Variants in TVP23A observed in about 807,000 individuals in gnomAD.
TVP23A encodes the protein trans-golgi network vesicle protein 23 homolog A.
TVP23A carries 21 observed loss-of-function variants against 31.7 expected under a neutral mutation model. That is an observed-to-expected ratio of 0.66 (90% CI 0.47 to 0.95). TVP23A has a LOEUF of 0.95. Ranked by LOEUF, TVP23A falls within the 40% of genes least tolerant of loss-of-function variation. TVP23A has a pLI of 0.00. For missense variants in TVP23A, 279 were observed against 255.6 expected (o/e 1.09, Z -0.62); for synonymous variants, 104 against 96.0 (o/e 1.08, Z -0.49).
At position 10,808,267 on chromosome 16, in the gene TVP23A, G is replaced by A. The variant is rs2034034552; in HGVS notation, c.89+9836C>T. Among the ~76,000 whole-genome samples, 3 of 152,182 alleles carry A rather than the reference G, an allele frequency of 2.0e-5. No individual in the cohort carries two copies. The South Asian group carries it at 6.2e-4, about 32-fold the overall frequency. On this transcript the variant is annotated intron_variant, in intron 2 of 7. Transcript: ENST00000299866. ...AACAGCAGCCAACAATTTCAAGCGG[G>A]GCTCATGTCCAGGACTGCTTTTGTA...
intron 2 of TVP23A, chr16:10,808,619 A>G (rs2034053074): frequency 2.2e-6 from 1 of 448,804 alleles, no homozygotes; most frequent in Non-Finnish European, 4.5e-6. Flanking sequence ...ACAAAAAATA[A>G]AAATAAAATT....
At chr16:10,771,884 T>A in intron 5 of TVP23A, 86 bp from the exon 6 acceptor site, 1 of 1,496,606 alleles carries the variant, frequency 6.7e-7, no homozygotes, top group Non-Finnish European at 9.0e-7. Flanking sequence ...AGAGGCACGA[T>A]CTCAGCTCAC....
chr16:10,816,492 C>T (rs1452952655), intron 2 of TVP23A, among the ~76,000 whole-genome samples: 1 of 152,036 alleles, frequency 6.6e-6, no homozygotes, highest in African/African-American at 2.4e-5. Flanking sequence ...TGCCACTACA[C>T]CCAGCTAATT....
chr16:10,767,445 A>G lies in TVP23A; in HGVS notation c.*1657T>C. ...CAGAATGTGTGTGTCATGTGCTCCC[A>G]TTCGTATTTTAGGTATATGAGAGTG... On this transcript the variant is annotated 3_prime_UTR_variant, in exon 8 of 8. Transcript: ENST00000299866. The surrounding 1 kb of genome is among the most constrained non-coding windows in gnomAD (Gnocchi z 4.6). The G allele has an allele frequency of 7.5e-6, 3 of 399,786 alleles. No homozygotes were observed. The highest frequency in any genetic ancestry group is 1.3e-5 in the Non-Finnish European group (3 of 227,388). The allele number at this position is 399,786 out of a possible 1,614,324, so 24.8% of individuals were successfully genotyped here.
chr16:10,818,785 T>C lies in TVP23A; in HGVS notation c.-292A>G. 1 of 441,694 alleles carries C rather than the reference T, an allele frequency of 2.3e-6. No homozygotes were observed. Among genetic ancestry groups the C allele is most frequent in the Non-Finnish European group, 3.9e-6 (1 of 254,358 alleles). 27.4% of individuals were successfully genotyped at this position (441,694 alleles called of 1,614,324 possible). ...CCTGGGGAACTGCGGACAGAGATAG[T>C]GGGAGGAATGGGAGTCGGGGGCGGG... On this transcript the variant is annotated 5_prime_UTR_variant, in exon 1 of 8. Transcript: ENST00000299866. The surrounding 1 kb of genome is among the most constrained non-coding windows in gnomAD (Gnocchi z 4.7).
chr16:10,770,259 A>C lies in TVP23A; in HGVS notation c.*13T>G, dbSNP rs1364808876. ...CCAGTTCCTCCACACGGGTGCCATG[A>C]TCCATTTCTCACCTAATGCTGGTGA... On this transcript the variant is annotated intron_variant, in intron 7 of 7. Transcript: ENST00000299866. 1 of 1,550,682 alleles carries C rather than the reference A, an allele frequency of 6.4e-7. No individual in the cohort carries two copies. The highest frequency in any genetic ancestry group is 2.0e-5 in the Admixed American group (1 of 50,900).
intron 2 of TVP23A, among the ~76,000 whole-genome samples, chr16:10,811,903 CA>C (rs763108313): frequency 0.036 from 1,527 of 42,280 alleles, 8 homozygotes; most frequent in African/African-American, 0.1. Flanking sequence ...GACTCCGTCT[CA>C]AAAAAAAAAA....
chr16:10,796,357 T>C (rs1222389574), intron 2 of TVP23A, among the ~76,000 whole-genome samples: 1 of 151,956 alleles, frequency 6.6e-6, no homozygotes, highest in Non-Finnish European at 1.5e-5. Context: ...AAGAACAATT[T>C]AAAAGATAAG....
intron 6 of TVP23A, 125 bp from the exon 7 acceptor site, chr16:10,770,456 T>A: frequency 2.8e-6 from 3 of 1,054,674 alleles, no homozygotes; most frequent in South Asian, 1.6e-5. Flanking sequence ...CTTGATGTCT[T>A]GGCATAAAGC....
rs377423998 is a variant in TVP23A, at chr16:10,807,551, T to C, written c.89+10552A>G. On this transcript the variant is annotated intron_variant, in intron 2 of 7. Transcript: ENST00000299866. ...ATTTTTCATTGTCACATCTGAGGGG[T>C]TGGAAGCTACTGGCATGTAGTGGGT... Among the ~76,000 whole-genome samples, 51 of 152,138 alleles carry C rather than the reference T, an allele frequency of 3.4e-4. 2 individuals carry two copies. In the South Asian group the frequency reaches 9.5e-3, roughly 28 times the overall value.
At chr16:10,787,535 A>G (rs980288984) in intron 2 of TVP23A, among the ~76,000 whole-genome samples, 1 of 152,158 alleles carries the variant, frequency 6.6e-6, no homozygotes, top group East Asian at 1.9e-4. Context: ...CATTTGCATA[A>G]TAAGATTAGG....
In TVP23A at chr16:10,798,104, T is replaced by C. The variant is rs1013078135; in HGVS notation, c.89+19999A>G. 1.1e-4 allele frequency among the ~76,000 whole-genome samples: 16 copies of C among 151,540 alleles called. No individual in the cohort carries two copies. In the South Asian group the frequency reaches 1.7e-3, roughly 16 times the overall value. On this transcript the variant is annotated intron_variant, in intron 2 of 7. Transcript: ENST00000299866. Reference sequence around the variant, plus strand: ...CCGAGTAGCTGGGACTACAGGCACCTGCCACCACGCCCAGCTAATTTTTTG... The same window carrying C: ...CCGAGTAGCTGGGACTACAGGCACCCGCCACCACGCCCAGCTAATTTTTTG...
In TVP23A at chr16:10,772,756, A is replaced by T. The variant is rs144053623; in HGVS notation, c.453+557T>A. Reference sequence around the variant, plus strand: ...TAGGTGCCAGGGCTTGGAGGAACAGAAGCACAGGGAAGCAATGTCAAAAGG... The same window carrying T: ...TAGGTGCCAGGGCTTGGAGGAACAGTAGCACAGGGAAGCAATGTCAAAAGG... On this transcript the variant is annotated intron_variant, in intron 5 of 7. Transcript: ENST00000299866. 6.0e-3 allele frequency among the ~76,000 whole-genome samples: 904 copies of T among 151,498 alleles called. 12 individuals carry two copies. The highest frequency in any genetic ancestry group is 0.021 in the African/African-American group (858 of 41,008).
chr16:10,808,751 T>A (rs1214763697), intron 2 of TVP23A: 1 of 286,682 alleles, frequency 3.5e-6, no homozygotes, highest in East Asian at 1.1e-4. Flanking sequence ...CACTCCAGCC[T>A]GGGCAACAGA....
chr16:10,793,410 G>GTGTGTGGC (rs1197273207), intron 2 of TVP23A, among the ~76,000 whole-genome samples: 1 of 152,130 alleles, frequency 6.6e-6, no homozygotes, highest in Admixed American at 6.5e-5. Flanking sequence ...GCTGGGCCCT[G>GTGTGTGGC]TGTGTGGCTT....
At chr16:10,772,200 T>C (rs1330439749) in intron 5 of TVP23A, among the ~76,000 whole-genome samples, 3 of 152,070 alleles carry the variant, frequency 2.0e-5, no homozygotes, top group African/African-American at 7.2e-5. Context: ...ACTGGAGAGG[T>C]TGCCACCATC....
intron 2 of TVP23A, among the ~76,000 whole-genome samples, chr16:10,812,208 C>A (rs8054273): frequency 0.15 from 22,425 of 152,094 alleles, 4,821 homozygotes; most frequent in African/African-American, 0.47. Flanking sequence ...CAACGAAATA[C>A]CATGGTTATC....
intron 2 of TVP23A, among the ~76,000 whole-genome samples, chr16:10,811,443 A>G (rs1330774806): frequency 6.6e-6 from 1 of 151,542 alleles, no homozygotes; most frequent in African/African-American, 2.4e-5. Flanking sequence ...TACTTTTTGT[A>G]TTTTCTGTAG....
chr16:10,801,623 A>G (rs549342212), intron 2 of TVP23A, among the ~76,000 whole-genome samples: 1 of 152,180 alleles, frequency 6.6e-6, no homozygotes, highest in South Asian at 2.1e-4. Context: ...TGCCTGGATA[A>G]TTTTTGTATT....
Sources: allele counts gnomAD v4.1 joint callset (sites outside exome capture counted in the v4.1 genomes callset), GRCh38; gene constraint gnomAD v4.1.1; non-coding constraint Gnocchi (gnomAD v3.1); transcripts MANE v1.5; gene names NCBI Gene and HGNC (gene_info 2026-07-23, HGNC 2026-07-21).